PIAS2: variants seen among roughly 807,000 people sequenced by gnomAD.
PIAS2 encodes E3 SUMO-protein ligase PIAS2.
A neutral mutation model predicts 69.7 loss-of-function variants in PIAS2; 19 were observed. The observed-to-expected ratio is 0.27, with a 90% CI of 0.19 to 0.40. PIAS2 has a LOEUF of 0.40. Ranked by LOEUF, PIAS2 falls within the 10% of genes least tolerant of loss-of-function variation. The pLI is 1.00. For missense variants in PIAS2, 624 were observed against 757.0 expected (o/e 0.82, Z 2.06); for synonymous variants, 261 against 263.2 (o/e 0.99, Z 0.08).
At chr18:46,827,842 G>T in intron 11 of PIAS2, 117 bp downstream of exon 11, 2 of 873,504 alleles carry the variant, frequency 2.3e-6, no homozygotes, top group African/African-American at 1.7e-5. Context: ...ACTCAACAAA[G>T]GCAAATTAAA....
intron 10 of PIAS2, among the ~76,000 whole-genome samples, chr18:46,828,418 G>C (rs2043122627): frequency 6.6e-6 from 1 of 152,172 alleles, no homozygotes; most frequent in Non-Finnish European, 1.5e-5. Flanking sequence ...AAGGATTTGT[G>C]CAGCTCCTAC....
chr18:46,900,675 G>GAA (rs34503806), intron 1 of PIAS2, among the ~76,000 whole-genome samples: 377 of 150,614 alleles, frequency 2.5e-3, no homozygotes, highest in Non-Finnish European at 3.9e-3. Flanking sequence ...GACCTCATCT[G>GAA]AAAAAAATAC....
chr18:46,897,671 A>G (rs1292116612), intron 1 of PIAS2, among the ~76,000 whole-genome samples: 1 of 152,194 alleles, frequency 6.6e-6, no homozygotes, highest in Non-Finnish European at 1.5e-5. Flanking sequence ...ATAAAATTCT[A>G]TTCATTCCTG....
intron 1 of PIAS2, among the ~76,000 whole-genome samples, chr18:46,905,022 A>C (rs2056415918): frequency 6.6e-6 from 1 of 152,246 alleles, no homozygotes; most frequent in African/African-American, 2.4e-5. Flanking sequence ...GAACAACATA[A>C]TTAACAAGGC....
rs2058068715 is a variant in PIAS2, at chr18:46,917,220, C to G, written c.24+102G>C. ...GGCCGGGGCTCAGGGCTCCGCCAAC[C>G]GGCCCCAGAGGCACGAGCAGGCGGC... is the stretch of plus-strand genomic sequence containing the variant. On this transcript the variant is annotated intron_variant, in intron 1 of 13. Transcript: ENST00000585916. 4 of 1,358,820 alleles carry G rather than the reference C, an allele frequency of 2.9e-6. No homozygotes were observed. The South Asian group carries it at 6.1e-5, about 21-fold the overall frequency. The allele number at this position is 1,358,820 out of a possible 1,614,324, so 84.2% of individuals were successfully genotyped here. A position where few individuals can be genotyped will look rare whatever the true frequency, so the allele number is the denominator to read the frequency against.
chr18:46,845,713 T>A (rs1405918345), intron 6 of PIAS2, among the ~76,000 whole-genome samples: 1 of 152,144 alleles, frequency 6.6e-6, no homozygotes, highest in East Asian at 1.9e-4. Flanking sequence ...TTTTAATAGC[T>A]GCCAAACCAA....
intron 1 of PIAS2, among the ~76,000 whole-genome samples, chr18:46,909,579 A>G (rs1482496330): frequency 6.6e-6 from 1 of 152,254 alleles, no homozygotes; most frequent in Non-Finnish European, 1.5e-5. Context: ...ACAAAAGTAG[A>G]TGTTAGCAAG....
upstream of PIAS2, among the ~76,000 whole-genome samples, chr18:46,919,314 C>G (rs1179432147): frequency 1.3e-5 from 2 of 151,930 alleles, no homozygotes; most frequent in Non-Finnish European, 2.9e-5. Flanking sequence ...TGGAGAAACC[C>G]CGTCTCCACC....
intron 11 of PIAS2, among the ~76,000 whole-genome samples, chr18:46,826,460 T>A (rs1393609069): frequency 6.6e-6 from 1 of 152,184 alleles, no homozygotes; most frequent in Non-Finnish European, 1.5e-5. Context: ...CAACCTGGCA[T>A]GAATTCAGCC....
intron 6 of PIAS2, 83 bp downstream of exon 6, chr18:46,846,624 G>A: frequency 1.5e-6 from 2 of 1,323,848 alleles, no homozygotes; most frequent in Non-Finnish European, 2.0e-6. Flanking sequence ...AGAAAGAGCT[G>A]AAGCCAACAG....
chr18:46,901,243 C>A (rs1255819463), intron 1 of PIAS2: 3 of 412,060 alleles, frequency 7.3e-6, no homozygotes, highest in Non-Finnish European at 1.5e-5. Context: ...CATGGAGAAC[C>A]CCATCTCTAA....
intron 5 of PIAS2, among the ~76,000 whole-genome samples, chr18:46,849,986 C>CCCCACAAAAATAATCACAAT (rs1218808206): frequency 3.3e-5 from 5 of 152,158 alleles, no homozygotes; most frequent in African/African-American, 1.2e-4. Context: ...AGCATTACAA[C>CCCCACAAAAATAATCACAAT]CCCACAAAAA....
intron 9 of PIAS2, among the ~76,000 whole-genome samples, chr18:46,836,024 C>T (rs949250174): frequency 2.0e-5 from 3 of 152,136 alleles, no homozygotes; most frequent in African/African-American, 7.2e-5. Context: ...TTTGCATAGA[C>T]CCTAATTGCT....
chr18:46,823,710 A>G (rs1396668324), intron 11 of PIAS2, among the ~76,000 whole-genome samples: 3 of 152,248 alleles, frequency 2.0e-5, no homozygotes. Flanking sequence ...ATGAAAAGCT[A>G]AACTACTTAG....
At chr18:46,816,283 T>G (rs512868) in intron 12 of PIAS2, 730,500 of 957,058 alleles carry the variant, frequency 0.76, 280,222 homozygotes, top group African/African-American at 0.93. Flanking sequence ...TATCAGTGGG[T>G]ACATTTAAAA....
intron 11 of PIAS2, among the ~76,000 whole-genome samples, chr18:46,826,360 G>A (rs1250555162): frequency 1.3e-5 from 2 of 152,096 alleles, no homozygotes; most frequent in African/African-American, 4.8e-5. Flanking sequence ...ATGTAGTAAA[G>A]GACAGAGGGT....
In PIAS2 at chr18:46,812,436, G is replaced by T. The variant is rs754976778; in HGVS notation, c.1863C>A (p.Asp621Glu). Residue 621 changes from aspartate to glutamate, a missense_variant, in exon 14 of 14, where the codon GAC becomes GAA. By Grantham distance (45) the Asp-to-Glu change is conservative. Coordinates refer to ENST00000585916, the MANE Select transcript of PIAS2 (RefSeq NM_004671.5). ...GSNIPDIISL[D>E] ...CCAGAATCAAGTGAGTCCTCCTTTAGTCCAATGAGATGATGTCAGGAATGT... is the reference window on the plus strand; with the variant it reads ...CCAGAATCAAGTGAGTCCTCCTTTATTCCAATGAGATGATGTCAGGAATGT... 6.2e-7 allele frequency: 1 copy of T among 1,600,536 alleles called. No homozygotes were observed. Among genetic ancestry groups the T allele is most frequent in the Non-Finnish European group, 8.5e-7 (1 of 1,169,720 alleles).
In PIAS2 at chr18:46,874,576, T is replaced by C. The variant is rs1314924286; in HGVS notation, c.500-10328A>G. Among the ~76,000 whole-genome samples the C allele has an allele frequency of 4.6e-5, 7 of 152,302 alleles. No homozygotes were observed. The South Asian group carries it at 1.0e-3, about 23-fold the overall frequency. On this transcript the variant is annotated intron_variant, in intron 2 of 13. Transcript: ENST00000585916. ...ATTAACTTTAGAGACTCGACTACCA[T>C]GGACCAAATGCCTTCCCATTGCCTT...
At chr18:46,890,438 C>T (rs970789712) in intron 2 of PIAS2, 142 bp downstream of exon 2, 12 of 591,846 alleles carry the variant, frequency 2.0e-5, no homozygotes, top group African/African-American at 1.3e-4. Context: ...TCATGGTTGC[C>T]GAATTTTTAT....
Sources: allele counts gnomAD v4.1 joint callset (sites outside exome capture counted in the v4.1 genomes callset), GRCh38; gene constraint gnomAD v4.1.1; transcripts MANE v1.5; gene names NCBI Gene and HGNC (gene_info 2026-07-23, HGNC 2026-07-21).